The following RCOR1 variants were observed in gnomAD, a reference collection of about 807,000 sequenced individuals.
RCOR1 encodes REST corepressor.
RCOR1 carries 12 observed loss-of-function variants against 64.0 expected under a neutral mutation model. The observed-to-expected ratio is 0.19, with a 90% CI of 0.12 to 0.30. The LOEUF (loss-of-function observed/expected upper bound fraction) is 0.30. Among genes scored for constraint, RCOR1 ranks in the 10% least tolerant of loss-of-function variants. The probability of loss-of-function intolerance (pLI) is 1.00; values close to 1 mark genes in which losing one functional copy is unlikely to be tolerated. For missense variants in RCOR1, 502 were observed against 621.2 expected, an observed-to-expected ratio of 0.81 and a Z score of 2.04; for synonymous variants, 279 against 227.2, an observed-to-expected ratio of 1.23 and a Z score of -2.05.
At chr14:102,593,526 G>T (rs1893178731) in intron 2 of RCOR1, among the ~76,000 whole-genome samples, 1 of 152,336 alleles carries the variant, frequency 6.6e-6, no homozygotes, top group African/African-American at 2.4e-5. Flanking sequence ...CCCGGGGGAG[G>T]CCAGGTCGCC....
intron 6 of RCOR1, among the ~76,000 whole-genome samples, chr14:102,710,301 G>A (rs753552805): frequency 2.0e-5 from 3 of 152,104 alleles, no homozygotes; most frequent in Non-Finnish European, 4.4e-5. Context: ...TACCTACATC[G>A]GGGCTTTTCT....
At chr14:102,716,416 T>C (rs914940362) in intron 8 of RCOR1, among the ~76,000 whole-genome samples, 3 of 152,232 alleles carry the variant, frequency 2.0e-5, no homozygotes, top group Non-Finnish European at 4.4e-5. Flanking sequence ...CTGAGGTTAG[T>C]GTTTTTGAGT....
intron 2 of RCOR1, among the ~76,000 whole-genome samples, chr14:102,600,568 A>ATTTT (rs750778582): frequency 7.9e-6 from 1 of 127,008 alleles, no homozygotes; most frequent in African/African-American, 3.0e-5. Flanking sequence ...TGCCCAGCTA[A>ATTTT]TTTTTTTTTT....
intron 7 of RCOR1, among the ~76,000 whole-genome samples, chr14:102,711,335 C>G (rs1333495081): frequency 6.6e-6 from 1 of 152,204 alleles, no homozygotes; most frequent in Non-Finnish European, 1.5e-5. Context: ...TCCAGGCAGC[C>G]TTAGGGTCTC....
At chr14:102,713,262 CTT>C (rs549966355) in intron 7 of RCOR1, among the ~76,000 whole-genome samples, 29 of 112,722 alleles carry the variant, frequency 2.6e-4, no homozygotes, top group South Asian at 2.3e-3. Context: ...CCCGTAGTTT[CTT>C]TTTTTTTTTT....
At chr14:102,628,813 C>CA (rs1214687444) in intron 2 of RCOR1, among the ~76,000 whole-genome samples, 1 of 152,198 alleles carries the variant, frequency 6.6e-6, no homozygotes, top group Non-Finnish European at 1.5e-5. Context: ...TTCGGCCTCC[C>CA]AAAGTGCTGG....
At chr14:102,620,362 G>T (rs1177633485) in intron 2 of RCOR1, among the ~76,000 whole-genome samples, 1 of 149,204 alleles carries the variant, frequency 6.7e-6, no homozygotes, top group African/African-American at 2.4e-5. Context: ...GAGGTCGGGA[G>T]TTCAATACCA....
At chr14:102,621,367 CTTTTTTTTTTT>C (rs35481023) in intron 2 of RCOR1, among the ~76,000 whole-genome samples, 6 of 78,514 alleles carry the variant, frequency 7.6e-5, no homozygotes, top group East Asian at 3.7e-4. Context: ...CAGTCTTTGT[CTTTTTTTTTTT>C]TTTTTTTTTT....
chr14:102,701,288 C>T lies in RCOR1; in HGVS notation c.456C>T (p.Tyr152=). ...CTTCTTGTTTTTCAGTGGATGAATA[C>T]ATTGCCATTGCCAAAGAAAAGCATG... The part of the protein sequence containing the change: ...QNLSEAKLDE[Y]IAIAKEKHGY... The change falls in exon 4 of 12, where the codon TAC becomes TAT. Residue 152 remains tyrosine, a synonymous_variant. Coordinates refer to ENST00000262241, the MANE Select transcript of RCOR1 (RefSeq NM_015156.4). 6.2e-7 allele frequency: 1 copy of T among 1,612,734 alleles called. No homozygotes were observed. The highest frequency in any genetic ancestry group is 1.7e-5 in the Admixed American group (1 of 59,870).
chr14:102,632,358 C>T lies in RCOR1; in HGVS notation c.361+39033C>T, dbSNP rs145624890. Among the ~76,000 whole-genome samples, 1,061 of 151,624 alleles carry T rather than the reference C, an allele frequency of 7.0e-3. 19 individuals carry two copies. The highest frequency in any genetic ancestry group is 0.024 in the African/African-American group (1,010 of 41,308). On this transcript the variant is annotated intron_variant, in intron 2 of 11. Coordinates refer to ENST00000262241, the MANE Select transcript of RCOR1 (RefSeq NM_015156.4). ...CAGCCTCTCCAAGTAGCTGGGACTA[C>T]AGGCCCCCACCACCACGCCCGGCTC...
intron 2 of RCOR1, among the ~76,000 whole-genome samples, chr14:102,664,772 A>T (rs1413047005): frequency 2.6e-5 from 4 of 152,268 alleles, no homozygotes; most frequent in Non-Finnish European, 5.9e-5. Flanking sequence ...AATATGCTAG[A>T]CACTGAAGAT....
chr14:102,600,178 C>T (rs1182563104), intron 2 of RCOR1, among the ~76,000 whole-genome samples: 2 of 151,982 alleles, frequency 1.3e-5, no homozygotes, highest in Non-Finnish European at 2.9e-5. Flanking sequence ...GCTCCGCCTC[C>T]CGGGTTCACG....
At chr14:102,655,162 T>A in intron 2 of RCOR1, 1 of 403,888 alleles carries the variant, frequency 2.5e-6, no homozygotes, top group Non-Finnish European at 3.3e-6. Flanking sequence ...AATATTTGGA[T>A]AGGCAATACA....
At chr14:102,672,836 A>G (rs1308489629) in intron 2 of RCOR1, among the ~76,000 whole-genome samples, 1 of 152,226 alleles carries the variant, frequency 6.6e-6, no homozygotes, top group Non-Finnish European at 1.5e-5. Flanking sequence ...TCTGCTCCCA[A>G]ACAGTTGACA....
chr14:102,669,505 G>A (rs777194071), intron 2 of RCOR1, among the ~76,000 whole-genome samples: 2 of 152,224 alleles, frequency 1.3e-5, no homozygotes, highest in East Asian at 1.9e-4. Flanking sequence ...TGATCATAAT[G>A]TATGGTGTCT....
chr14:102,637,123 G>GT (rs1395636707), intron 2 of RCOR1, among the ~76,000 whole-genome samples: 7 of 147,560 alleles, frequency 4.7e-5, no homozygotes, highest in South Asian at 2.1e-4. Flanking sequence ...TTGTTTGTTT[G>GT]TTTTTTTATT....
chr14:102,690,152 T>G (rs1027329071), intron 3 of RCOR1, among the ~76,000 whole-genome samples: 1 of 152,180 alleles, frequency 6.6e-6, no homozygotes, highest in African/African-American at 2.4e-5. Context: ...AAGTTAGGGA[T>G]TTAAAAGTAA....
chr14:102,660,401 T>C (rs555927714), intron 2 of RCOR1, among the ~76,000 whole-genome samples: 3 of 152,308 alleles, frequency 2.0e-5, no homozygotes, highest in East Asian at 1.9e-4. Context: ...CCCCCCTTTT[T>C]TGAGATGGGG....
At chr14:102,683,346 C>G (rs773952272) in intron 3 of RCOR1, among the ~76,000 whole-genome samples, 1 of 152,170 alleles carries the variant, frequency 6.6e-6, no homozygotes, top group Non-Finnish European at 1.5e-5. Context: ...ATACACGATT[C>G]TTACTGAGGC....
Sources: allele counts gnomAD v4.1 joint callset (sites outside exome capture counted in the v4.1 genomes callset), GRCh38; gene constraint gnomAD v4.1.1; transcripts MANE v1.5; gene names NCBI Gene and HGNC (gene_info 2026-07-23, HGNC 2026-07-21).